XG: variants seen among roughly 807,000 people sequenced by gnomAD.
XG encodes glycoprotein Xg.
Under a neutral mutation model 25.7 loss-of-function variants are expected in XG, and 24 were observed. The observed-to-expected ratio is 0.93, with a 90% CI of 0.68 to 1.31. The LOEUF is 1.31. Among genes scored for constraint, XG ranks in the 40% most tolerant of loss-of-function variants. XG has a pLI of 0.00. For synonymous variants in XG, 77 were observed against 69.2 expected (o/e 1.11, Z -0.56); for missense variants, 181 against 187.6 (o/e 0.96, Z 0.21).
chrX:2,765,210 A>G (rs1381827174), intron 1 of XG, among the ~76,000 whole-genome samples: 3 of 151,778 alleles, frequency 2.0e-5, no homozygotes, highest in African/African-American at 7.3e-5. Flanking sequence ...AGTTGGGCAT[A>G]GTAGGGGGCG....
At chrX:2,794,230 C>T (rs890434700) in intron 5 of XG, among the ~76,000 whole-genome samples, 5 of 111,624 alleles carry the variant, frequency 4.5e-5, no homozygotes, top group African/African-American at 6.5e-5. Context: ...CAGGCAGACA[C>T]GACAGCCTGA....
chrX:2,796,262 C>A (rs946765010), intron 6 of XG, among the ~76,000 whole-genome samples: 2 of 106,097 alleles, frequency 1.9e-5, no homozygotes, highest in Admixed American at 1.0e-4. Context: ...GTATAAATAT[C>A]TTATATAAAT....
chrX:2,769,931 G>C (rs189867516), intron 1 of XG, among the ~76,000 whole-genome samples: 164 of 150,746 alleles, frequency 1.1e-3, no homozygotes, highest in Non-Finnish European at 1.8e-3. Flanking sequence ...GCTCCATATA[G>C]TCTCTCAGGC....
rs1280921949 is a variant in XG at position 2,814,885 on chromosome X, A to G, written c.*505A>G. On this transcript the variant is annotated 3_prime_UTR_variant, in exon 11 of 11. Coordinates refer to ENST00000644266, the MANE Select transcript of XG (RefSeq NM_001141919.2). ...ATTGAGCATTCATTATTGCGAATGA[A>G]GTGGGGATGCATTATTTCTGACACC... 1 of 112,445 alleles carries G rather than the reference A, an allele frequency of 8.9e-6. No homozygotes were observed. Among genetic ancestry groups the G allele is most frequent in the Non-Finnish European group, 1.9e-5 (1 of 53,573 alleles). The allele number at this position is 112,445 out of a possible 1,213,427, so 9.3% of individuals were successfully genotyped here. A position where few individuals can be genotyped will look rare whatever the true frequency, so the allele number is the denominator to read the frequency against.
chrX:2,812,056 A>G (rs1415695088), intron 10 of XG, among the ~76,000 whole-genome samples: 2 of 96,879 alleles, frequency 2.1e-5, no homozygotes, highest in African/African-American at 3.5e-5. Flanking sequence ...GCAAGACTAT[A>G]AGCATGACGG....
intron 3 of XG, among the ~76,000 whole-genome samples, chrX:2,777,561 T>C (rs1377901852): frequency 7.9e-5 from 12 of 151,920 alleles, no homozygotes; most frequent in Admixed American, 7.9e-4. Flanking sequence ...CCACTGCACT[T>C]CCGCCTGGGT....
chrX:2,802,701 TA>T (rs2086956626), intron 7 of XG, among the ~76,000 whole-genome samples: 1 of 109,973 alleles, frequency 9.1e-6, no homozygotes, highest in South Asian at 4.1e-4. Flanking sequence ...ATGAAGGGTT[TA>T]AAAAATGTCT....
At chrX:2,769,265 AG>A (rs1465927185) in intron 1 of XG, among the ~76,000 whole-genome samples, 1 of 152,140 alleles carries the variant, frequency 6.6e-6, no homozygotes, top group Non-Finnish European at 1.5e-5. Flanking sequence ...CAGACATCAG[AG>A]CGGGGGAGAC....
intron 1 of XG, among the ~76,000 whole-genome samples, chrX:2,770,040 G>A (rs2050782791): frequency 6.9e-6 from 1 of 143,962 alleles, no homozygotes; most frequent in East Asian, 2.3e-4. Flanking sequence ...GGGCGTTGGG[G>A]GGCGGGGATA....
chrX:2,792,811 A>G (rs2086849790), intron 5 of XG, among the ~76,000 whole-genome samples: 2 of 111,173 alleles, frequency 1.8e-5, no homozygotes, highest in Non-Finnish European at 3.8e-5. Flanking sequence ...GGATCAGGTT[A>G]GGGGCACTCA....
chrX:2,755,845 CA>C (rs1334984972), intron 1 of XG, among the ~76,000 whole-genome samples: 1 of 151,994 alleles, frequency 6.6e-6, no homozygotes, highest in East Asian at 1.9e-4. Flanking sequence ...CCCAAGATCC[CA>C]AAAACATTCT....
At chrX:2,810,073 T>G (rs970672467) in intron 9 of XG, among the ~76,000 whole-genome samples, 3 of 111,383 alleles carry the variant, frequency 2.7e-5, no homozygotes, top group Non-Finnish European at 5.7e-5. Context: ...AGGCAGGGTG[T>G]GGCGGGCGGC....
At chrX:2,774,939 C>T in intron 3 of XG, 200 bp downstream of exon 3, 1 of 651,644 alleles carries the variant, frequency 1.5e-6, no homozygotes, top group East Asian at 2.7e-5. Context: ...CACTTCGTCC[C>T]CACTGAGATG....
chrX:2,786,255 G>GTGGCCTTTTT (rs2086782034), intron 4 of XG, among the ~76,000 whole-genome samples: 2 of 29,380 alleles, frequency 6.8e-5, no homozygotes, highest in East Asian at 1.2e-3. Flanking sequence ...TCCTATCCAT[G>GTGGCCTTTTT]TTGTCTTTTT....
At chrX:2,772,808 C>G (rs1169107248) in intron 2 of XG, among the ~76,000 whole-genome samples, 1 of 152,196 alleles carries the variant, frequency 6.6e-6, no homozygotes, top group African/African-American at 2.4e-5. Flanking sequence ...CCAGTGCCTG[C>G]AAACACATCT....
intron 1 of XG, among the ~76,000 whole-genome samples, chrX:2,768,273 AT>A (rs1375991791): frequency 6.6e-6 from 1 of 152,150 alleles, no homozygotes; most frequent in African/African-American, 2.4e-5. Flanking sequence ...AGTGAAAGAT[AT>A]TGGTCAACGG....
At chrX:2,758,805 T>A (rs975876903) in intron 1 of XG, among the ~76,000 whole-genome samples, 14 of 152,214 alleles carry the variant, frequency 9.2e-5, no homozygotes, top group African/African-American at 3.4e-4. Context: ...GAATCTTGCC[T>A]TAGCATGAGA....
chrX:2,794,431 A>C (rs1290848919), intron 5 of XG, 104 bp from the exon 6 acceptor site: 2 of 905,926 alleles, frequency 2.2e-6, no homozygotes, highest in Non-Finnish European at 3.0e-6. Flanking sequence ...TTGGCGTCGG[A>C]ACGCTCTTCT....
At chrX:2,799,429 G>A (rs1165808760) in intron 7 of XG, among the ~76,000 whole-genome samples, 1 of 111,815 alleles carries the variant, frequency 8.9e-6, no homozygotes, top group African/African-American at 3.3e-5. Context: ...ATTTAAAGGG[G>A]AAAGGGTGGG....
Sources: allele counts gnomAD v4.1 joint callset (sites outside exome capture counted in the v4.1 genomes callset), GRCh38; gene constraint gnomAD v4.1.1; transcripts MANE v1.5; gene names NCBI Gene and HGNC (gene_info 2026-07-23, HGNC 2026-07-21).